PEBP4: variants seen among roughly 807,000 people sequenced by gnomAD.
PEBP4 encodes phosphatidylethanolamine-binding protein 4.
Under a neutral mutation model 23.9 loss-of-function variants are expected in PEBP4, and 22 were observed. The ratio of observed to expected loss-of-function variants is 0.92; its 90% CI spans 0.66 to 1.31. The LOEUF (loss-of-function observed/expected upper bound fraction) is 1.31, where lower values mean the gene tolerates loss of function less well. Ranked by LOEUF, PEBP4 falls within the 40% of genes most tolerant of loss-of-function variation. PEBP4 has a pLI of 0.00. For missense variants in PEBP4, 324 were observed against 281.7 expected (o/e 1.15, Z -1.07); for synonymous variants, 112 against 99.3 (o/e 1.13, Z -0.76).
rs1280196123 is a variant in PEBP4 at position 22,833,344 on chromosome 8, T to G, written c.259-15609A>C. Reference sequence around the variant, plus strand: ...AGCATGGCATGATCCCTCTTTCTGTTTTTTTGAGATAGGGTCTTATTCTGT... The same window carrying G: ...AGCATGGCATGATCCCTCTTTCTGTGTTTTTGAGATAGGGTCTTATTCTGT... On this transcript the variant is annotated intron_variant, in intron 3 of 6. Coordinates refer to ENST00000256404, the MANE Select transcript of PEBP4 (RefSeq NM_144962.3). 3.3e-5 allele frequency among the ~76,000 whole-genome samples: 5 copies of G among 152,172 alleles called. No individual in the cohort carries two copies. The South Asian group carries it at 6.2e-4, about 19-fold the overall frequency.
intron 3 of PEBP4, among the ~76,000 whole-genome samples, chr8:22,837,352 G>A (rs1016991952): frequency 2.6e-5 from 4 of 152,308 alleles, no homozygotes; most frequent in Middle Eastern, 3.4e-3. Flanking sequence ...GACTTGTAGC[G>A]ATTGTTCATT....
chr8:22,835,813 G>C (rs1807193267), intron 3 of PEBP4, among the ~76,000 whole-genome samples: 1 of 152,196 alleles, frequency 6.6e-6, no homozygotes. Context: ...GCTTGCGCAT[G>C]GCAACCCCTC....
At chr8:22,783,043 C>T (rs1002859965) in intron 4 of PEBP4, among the ~76,000 whole-genome samples, 2 of 152,228 alleles carry the variant, frequency 1.3e-5, no homozygotes, top group Admixed American at 1.3e-4. Flanking sequence ...ACTGGCCAGG[C>T]ACCTGCTCCA....
At chr8:22,749,703 C>G (rs1805205908) in intron 4 of PEBP4, among the ~76,000 whole-genome samples, 1 of 152,004 alleles carries the variant, frequency 6.6e-6, no homozygotes, top group South Asian at 2.1e-4. Context: ...CACCCCCTGC[C>G]TTTTACAGAG....
At chr8:22,854,738 C>T (rs1026381527) in intron 3 of PEBP4, among the ~76,000 whole-genome samples, 1 of 152,084 alleles carries the variant, frequency 6.6e-6, no homozygotes, top group Admixed American at 6.5e-5. Flanking sequence ...GACATTATAA[C>T]GTGTAATTAT....
intron 4 of PEBP4, among the ~76,000 whole-genome samples, chr8:22,783,688 T>C (rs11986829): frequency 0.085 from 12,923 of 152,300 alleles, 618 homozygotes; most frequent in African/African-American, 0.11. Flanking sequence ...TGTTTTGTTT[T>C]GTTTGAGATG....
intron 4 of PEBP4, among the ~76,000 whole-genome samples, chr8:22,794,778 A>G (rs1427859009): frequency 6.6e-6 from 1 of 152,198 alleles, no homozygotes; most frequent in East Asian, 1.9e-4. Flanking sequence ...TTTTGCAGGT[A>G]CATGTGAAGA....
intron 3 of PEBP4, among the ~76,000 whole-genome samples, chr8:22,819,102 T>A (rs34015614): frequency 6.6e-6 from 1 of 152,120 alleles, no homozygotes; most frequent in Non-Finnish European, 1.5e-5. Flanking sequence ...AATTTGGTAG[T>A]CATTGATATA....
In PEBP4 at chr8:22,724,867, G is replaced by A; in HGVS notation, c.493C>T (p.Leu165Phe). The change falls in exon 6 of 7, where the codon CTT becomes TTT. Residue 165 changes from leucine (L) to phenylalanine (F), a missense_variant. By Grantham distance (22) the Leu-to-Phe change is conservative. Coordinates refer to ENST00000256404, the MANE Select transcript of PEBP4 (RefSeq NM_144962.3). ...YLQEGKVISL[L>F]PKENKTRGSW... ...CCTCGAGTTTTGTTTTCCTTGGGAA[G>A]GAGAGAGATGACTTTTCCTTCCTGA... 6.2e-7 allele frequency: 1 copy of A among 1,613,956 alleles called. No individual in the cohort carries two copies. Among genetic ancestry groups the A allele is most frequent in the Non-Finnish European group, 8.5e-7 (1 of 1,179,828 alleles).
At chr8:22,902,325 G>T (rs1388920038) in intron 3 of PEBP4, among the ~76,000 whole-genome samples, 1 of 152,026 alleles carries the variant, frequency 6.6e-6, no homozygotes, top group Admixed American at 6.6e-5. Context: ...GTGAAACTCC[G>T]TCTCAAAAAA....
At chr8:22,759,200 G>T (rs1018758409) in intron 4 of PEBP4, among the ~76,000 whole-genome samples, 2 of 152,098 alleles carry the variant, frequency 1.3e-5, no homozygotes, top group African/African-American at 4.8e-5. Context: ...TTGCTGTCAG[G>T]GGTGGGGGCT....
intron 3 of PEBP4, among the ~76,000 whole-genome samples, chr8:22,842,990 G>A (rs993949659): frequency 6.6e-6 from 1 of 152,134 alleles, no homozygotes; most frequent in Non-Finnish European, 1.5e-5. Flanking sequence ...AACACATCTG[G>A]CTAATTTTTG....
At chr8:22,806,859 G>A (rs1806506050) in intron 4 of PEBP4, among the ~76,000 whole-genome samples, 1 of 152,208 alleles carries the variant, frequency 6.6e-6, no homozygotes, top group South Asian at 2.1e-4. Flanking sequence ...GCTGTACTGT[G>A]CTTACTGACA....
chr8:22,874,364 C>T (rs962078321), intron 3 of PEBP4, among the ~76,000 whole-genome samples: 4 of 152,196 alleles, frequency 2.6e-5, no homozygotes, highest in Admixed American at 6.5e-5. Context: ...CACTATAATA[C>T]CCCTGCCTCC....
At chr8:22,893,125 C>A (rs763474392) in intron 3 of PEBP4, among the ~76,000 whole-genome samples, 6 of 152,160 alleles carry the variant, frequency 3.9e-5, no homozygotes, top group Non-Finnish European at 5.9e-5. Flanking sequence ...GTCTACAGGG[C>A]TCACACAAGG....
intron 3 of PEBP4, among the ~76,000 whole-genome samples, chr8:22,821,770 G>T (rs1407657110): frequency 1.3e-5 from 2 of 152,066 alleles, no homozygotes; most frequent in Non-Finnish European, 2.9e-5. Context: ...CGGATCATGA[G>T]GTCAAGAGAT....
rs147627458 is a variant in PEBP4 at position 22,724,183 on chromosome 8, G to C, written c.517+660C>G. On this transcript the variant is annotated intron_variant, in intron 6 of 6. Transcript: ENST00000256404. ...GAGTCGGGGGCATGGCTCACACTGGGTCAGGTGAGACACTTGTGGCATGCT... is the reference window on the plus strand; with the variant it reads ...GAGTCGGGGGCATGGCTCACACTGGCTCAGGTGAGACACTTGTGGCATGCT... Among the ~76,000 whole-genome samples, 8 of 152,316 alleles carry C rather than the reference G, an allele frequency of 5.3e-5. No homozygotes were observed. The East Asian group carries it at 1.5e-3, about 29-fold the overall frequency.
At chr8:22,728,186 A>C (rs1804655853) in intron 4 of PEBP4, among the ~76,000 whole-genome samples, 1 of 152,086 alleles carries the variant, frequency 6.6e-6, no homozygotes, top group African/African-American at 2.4e-5. Flanking sequence ...GAGAGGTGGG[A>C]GGCCCTGCTT....
At chr8:22,800,172 T>A (rs1356803313) in intron 4 of PEBP4, among the ~76,000 whole-genome samples, 1 of 152,108 alleles carries the variant, frequency 6.6e-6, no homozygotes, top group African/African-American at 2.4e-5. Flanking sequence ...CTTTCTTCTT[T>A]ATTGTAGTCT....
Sources: gnomAD v4.1 joint callset for allele counts (sites outside exome capture counted in the v4.1 genomes callset) on GRCh38, gnomAD v4.1.1 for gene constraint, MANE v1.5 for transcripts, NCBI Gene and HGNC (gene_info 2026-07-23, HGNC 2026-07-21) for gene names.